Variants in COL5A2 observed in about 807,000 individuals in gnomAD.
The protein encoded by COL5A2 is collagen type V alpha 2 chain.
A neutral mutation model predicts 208.2 loss-of-function variants in COL5A2; 23 were observed. The observed-to-expected ratio is 0.11, with a 90% confidence interval of 0.08 to 0.16. The LOEUF is 0.16. COL5A2 is among the 10% of genes least tolerant of loss of function. The probability of loss-of-function intolerance (pLI) is 1.00; values close to 1 mark genes in which losing one functional copy is unlikely to be tolerated. For missense variants in COL5A2, 1,590 were observed against 1,956.4 expected (o/e 0.81, Z 3.53); for synonymous variants, 625 against 628.5 (o/e 0.99, Z 0.08).
At chr2:189,234,647 G>A in the COL5A2 span, among the ~76,000 whole-genome samples, 1 of 151,798 alleles carries the variant, frequency 6.6e-6, no homozygotes, top group Admixed American at 6.6e-5. Flanking sequence ...ACAGCAGGAG[G>A]TGAAGAGCAC....
At chr2:189,202,773 A>G (rs1170438422) in intron 1 of COL5A2, among the ~76,000 whole-genome samples, 1 of 152,134 alleles carries the variant, frequency 6.6e-6, no homozygotes, top group Non-Finnish European at 1.5e-5. Context: ...AAGGATGAGG[A>G]TAAGAGGGCA....
chr2:189,180,915 TATACA>T (rs903199813), upstream of COL5A2, among the ~76,000 whole-genome samples: 6 of 152,216 alleles, frequency 3.9e-5, no homozygotes, highest in African/African-American at 1.4e-4. Context: ...ATGGATGTTC[TATACA>T]ATACAAGTGA....
chr2:189,268,771 AT>A, the COL5A2 span, among the ~76,000 whole-genome samples: 1 of 152,148 alleles, frequency 6.6e-6, no homozygotes. Flanking sequence ...CTTTATTAAA[AT>A]AATATATCTC....
the COL5A2 span, among the ~76,000 whole-genome samples, chr2:189,251,780 G>T: frequency 6.6e-6 from 1 of 151,740 alleles, no homozygotes; most frequent in African/African-American, 2.4e-5. Context: ...TTAAACTAAA[G>T]AGCTTCGCAC....
At chr2:189,189,546 T>G (rs1275668779) in intron 1 of COL5A2, among the ~76,000 whole-genome samples, 1 of 152,006 alleles carries the variant, frequency 6.6e-6, no homozygotes, top group Non-Finnish European at 1.5e-5. Flanking sequence ...TAAAATAAAT[T>G]AGCCAGGCAT....
intron 33 of COL5A2, 37 bp downstream of exon 33, chr2:189,058,392 A>G: frequency 6.6e-7 from 1 of 1,507,792 alleles, no homozygotes; most frequent in Non-Finnish European, 9.2e-7. Context: ...AGTAATTTTA[A>G]AGCATTTTAA....
upstream of COL5A2, chr2:189,179,872 C>A (rs1688751155): frequency 3.3e-6 from 2 of 599,874 alleles, no homozygotes; most frequent in South Asian, 4.2e-5. Flanking sequence ...GTCTGCCAAG[C>A]AACGGTCTGA....
At chr2:189,179,857 C>G (rs886294126), upstream of COL5A2, 4 of 609,604 alleles carry the variant, frequency 6.6e-6, no homozygotes, top group African/African-American at 7.4e-5. Context: ...TCATAACCAT[C>G]CAGTGTCTGC....
At chr2:189,370,614 A>G in the COL5A2 span, among the ~76,000 whole-genome samples, 1 of 152,156 alleles carries the variant, frequency 6.6e-6, no homozygotes, top group Non-Finnish European at 1.5e-5. Context: ...AACCACATAC[A>G]ATCATACTCA....
intron 1 of COL5A2, among the ~76,000 whole-genome samples, chr2:189,192,084 T>C (rs184494051): frequency 2.5e-4 from 38 of 152,252 alleles, no homozygotes; most frequent in African/African-American, 8.9e-4. Context: ...ATAGTCATCT[T>C]TTTCAGCAGC....
At chr2:189,396,412 G>A in the COL5A2 span, among the ~76,000 whole-genome samples, 1,278 of 152,150 alleles carry the variant, frequency 8.4e-3, 16 homozygotes, top group African/African-American at 0.029. Flanking sequence ...GGTGGCTCAC[G>A]CCTGTAATCC....
the COL5A2 span, among the ~76,000 whole-genome samples, chr2:189,391,388 T>C: frequency 6.6e-6 from 1 of 152,152 alleles, no homozygotes; most frequent in African/African-American, 2.4e-5. Flanking sequence ...CTAAGTCTCC[T>C]CCGATGATGA....
At chr2:189,185,734 G>A (rs1470247611) in intron 1 of COL5A2, among the ~76,000 whole-genome samples, 1 of 152,146 alleles carries the variant, frequency 6.6e-6, no homozygotes, top group African/African-American at 2.4e-5. Context: ...TGAGATTAAA[G>A]GCATTGTTGG....
At chr2:189,387,313 A>G in the COL5A2 span, among the ~76,000 whole-genome samples, 1 of 152,100 alleles carries the variant, frequency 6.6e-6, no homozygotes, top group Admixed American at 6.6e-5. Flanking sequence ...GGAGCCTACT[A>G]GTGATAGAGA....
At chr2:189,167,010 T>C (rs1443162111) in intron 1 of COL5A2, among the ~76,000 whole-genome samples, 1 of 152,164 alleles carries the variant, frequency 6.6e-6, no homozygotes, top group African/African-American at 2.4e-5. Flanking sequence ...TGGAGCTTAG[T>C]GCAAAACACT....
At chr2:189,264,867 T>C in the COL5A2 span, among the ~76,000 whole-genome samples, 1 of 152,156 alleles carries the variant, frequency 6.6e-6, no homozygotes, top group Admixed American at 6.6e-5. Flanking sequence ...AATCTCCACT[T>C]AGCTAAATTA....
intron 2 of COL5A2, among the ~76,000 whole-genome samples, chr2:189,105,102 AATT>A (rs1365890000): frequency 4.0e-5 from 6 of 151,700 alleles, no homozygotes; most frequent in Non-Finnish European, 8.9e-5. Context: ...ATGCCAAGAA[AATT>A]GATGTAATTT....
At chr2:189,156,066 C>T (rs1457407050) in intron 1 of COL5A2, among the ~76,000 whole-genome samples, 1 of 152,086 alleles carries the variant, frequency 6.6e-6, no homozygotes, top group African/African-American at 2.4e-5. Context: ...TTACATGGGG[C>T]CCAGCTAGTT....
At chr2:189,231,904 G>A in the COL5A2 span, among the ~76,000 whole-genome samples, 1 of 151,694 alleles carries the variant, frequency 6.6e-6, no homozygotes, top group Non-Finnish European at 1.5e-5. Context: ...GAAAGCTGAG[G>A]TGGAGAGGAG....
Sources: gnomAD v4.1 joint callset for allele counts (sites outside exome capture counted in the v4.1 genomes callset) on GRCh38, gnomAD v4.1.1 for gene constraint, MANE v1.5 for transcripts, NCBI Gene and HGNC (gene_info 2026-07-23, HGNC 2026-07-21) for gene names.